ZNF174: variants seen among roughly 807,000 people sequenced by gnomAD.
The protein encoded by ZNF174 is zinc finger protein 174, also known as AW-1.
ZNF174 carries 30 observed loss-of-function variants against 38.7 expected under a neutral mutation model. The ratio of observed to expected loss-of-function variants is 0.78; its 90% CI spans 0.58 to 1.05. ZNF174 has a LOEUF of 1.05. ZNF174 is among the 50% of genes least tolerant of loss of function. The pLI is 0.00. For missense variants in ZNF174, 499 were observed against 495.6 expected (o/e 1.01, Z -0.06); for synonymous variants, 201 against 181.7 (o/e 1.11, Z -0.86).
Position 3,401,770 on chromosome 16 carries a change from G to C in ZNF174, c.-235G>C, listed in dbSNP as rs946866840. The C allele has an allele frequency of 1.6e-5, 8 of 505,890 alleles. No homozygotes were observed. The highest frequency in any genetic ancestry group is 5.9e-5 in the African/African-American group (3 of 50,712). The allele number at this position is 505,890 out of a possible 1,614,324, so 31.3% of individuals were successfully genotyped here. ...ACGTTATGACTTTTCTCCTTTGCAA[G>C]ACTGCAAAAAACTGACAAGAAGACA... On this transcript the variant is annotated 5_prime_UTR_variant, in exon 1 of 3. Coordinates refer to ENST00000268655, the MANE Select transcript of ZNF174 (RefSeq NM_003450.3).
chr16:3,404,381 C>A, intron 1 of ZNF174, 45 bp from the exon 2 acceptor site: 1 of 1,531,164 alleles, frequency 6.5e-7, no homozygotes, highest in Non-Finnish European at 8.8e-7. Flanking sequence ...ATCAAGCTTC[C>A]CTCAGTCCTG....
intron 2 of ZNF174, among the ~76,000 whole-genome samples, chr16:3,407,850 G>T (rs2034076269): frequency 6.6e-6 from 1 of 152,198 alleles, no homozygotes; most frequent in Admixed American, 6.5e-5. Context: ...TGAAGAGAAG[G>T]TGGTTGTCAA....
Position 3,401,523 on chromosome 16 carries a change from G to T in ZNF174, c.-482G>T, listed in dbSNP as rs2033899081. 6.5e-6 allele frequency: 1 copy of T among 154,876 alleles called. No individual in the cohort carries two copies. Among genetic ancestry groups the T allele is most frequent in the South Asian group, 1.9e-4 (1 of 5,344 alleles). The allele number at this position is 154,876 out of a possible 1,614,324, so 9.6% of individuals were successfully genotyped here. On this transcript the variant is annotated 5_prime_UTR_variant, in exon 1 of 3. Coordinates refer to ENST00000268655, the MANE Select transcript of ZNF174 (RefSeq NM_003450.3). ...TCGCTACCTCACACCCCCGGCTGGC[G>T]CTGTGGCCTCGCTTAGCTCTACCGT...
chr16:3,402,671 G>C (rs2033965353), intron 1 of ZNF174, among the ~76,000 whole-genome samples: 1 of 151,854 alleles, frequency 6.6e-6, no homozygotes, highest in African/African-American at 2.4e-5. Context: ...TGTTAGCCAG[G>C]ATGGTCTCGA....
intron 2 of ZNF174, among the ~76,000 whole-genome samples, chr16:3,407,522 A>G (rs543968900): frequency 6.6e-6 from 1 of 152,256 alleles, no homozygotes; most frequent in African/African-American, 2.4e-5. Flanking sequence ...AAAAAATTTA[A>G]AATTAAGTTC....
At chr16:3,403,824 A>T (rs997223531) in intron 1 of ZNF174, among the ~76,000 whole-genome samples, 1 of 152,170 alleles carries the variant, frequency 6.6e-6, no homozygotes, top group South Asian at 2.1e-4. Context: ...TTACAGTTCA[A>T]CTGGCCAGCG....
In ZNF174 at chr16:3,404,629, C is replaced by T; in HGVS notation, c.606C>T (p.Thr202=). 4 of 1,614,248 alleles carry T rather than the reference C, an allele frequency of 2.5e-6. No homozygotes were observed. Among genetic ancestry groups the T allele is most frequent in the Non-Finnish European group, 2.5e-6 (3 of 1,180,044 alleles). Residue 202 remains threonine, a synonymous_variant, in exon 2 of 3, where the codon ACC becomes ACT. Coordinates refer to ENST00000268655, the MANE Select transcript of ZNF174 (RefSeq NM_003450.3). ...WEKSPLLQEP[T]PKLAGTEAPR... ...AATCCCCACTCCTCCAAGAACCAAC[C>T]CCCAAATTGGCTGGGACAGGTAAAC...
rs2033924050 is a variant in ZNF174 at position 3,402,089 on chromosome 16, G to A, written c.85G>A (p.Glu29Lys). ...GAGACACATAATAGCCAAACTAGAAGAGAAACGGGGCCCTCCTCTGCAAAA... is the reference window on the plus strand; with the variant it reads ...GAGACACATAATAGCCAAACTAGAAAAGAAACGGGGCCCTCCTCTGCAAAA... ...QERHIIAKLE[E>K]KRGPPLQKNC... The change falls in exon 1 of 3, where the codon GAG becomes AAG. Residue 29 changes from glutamate to lysine, a missense_variant. Coordinates refer to ENST00000268655, the MANE Select transcript of ZNF174 (RefSeq NM_003450.3). 6.2e-7 allele frequency: 1 copy of A among 1,614,048 alleles called. No individual in the cohort carries two copies. The highest frequency in any genetic ancestry group is 1.3e-5 in the African/African-American group (1 of 74,918).
rs1421857678 is a variant in ZNF174, at chr16:3,409,059, T to C, written c.*140T>C. On this transcript the variant is annotated 3_prime_UTR_variant, in exon 3 of 3. Coordinates refer to ENST00000268655, the MANE Select transcript of ZNF174 (RefSeq NM_003450.3). Reference sequence around the variant, plus strand: ...AGGAATGATGATGCACATTCTGCTGTGAGGAGGCCCAGAAAAGGCCAACCA... The same window carrying C: ...AGGAATGATGATGCACATTCTGCTGCGAGGAGGCCCAGAAAAGGCCAACCA... 1 of 1,015,044 alleles carries C rather than the reference T, an allele frequency of 9.9e-7. No homozygotes were observed. The highest frequency in any genetic ancestry group is 1.4e-6 in the Non-Finnish European group (1 of 696,202). The allele number at this position is 1,015,044 out of a possible 1,614,324, so 62.9% of individuals were successfully genotyped here.
At chr16:3,402,998 C>T (rs1489014924) in intron 1 of ZNF174, among the ~76,000 whole-genome samples, 1 of 152,054 alleles carries the variant, frequency 6.6e-6, no homozygotes, top group Non-Finnish European at 1.5e-5. Flanking sequence ...TCTTAAATCC[C>T]TTCTGTCAGC....
intron 1 of ZNF174, among the ~76,000 whole-genome samples, chr16:3,403,150 C>CTTTTTTTTTTTTTTTTTTTTTTTTTT (rs753071209): frequency 3.2e-5 from 1 of 30,938 alleles, no homozygotes; most frequent in African/African-American, 1.5e-4. Flanking sequence ...AGCTTATAGT[C>CTTTTTTTTTTTTTTTTTTTTTTTTTT]TTTTTTTTTT....
chr16:3,408,194 A>T, intron 2 of ZNF174, 127 bp from the exon 3 acceptor site: 2 of 877,192 alleles, frequency 2.3e-6, no homozygotes, highest in East Asian at 2.5e-5. Flanking sequence ...CAAGTGCTCC[A>T]GATGAGTCTA....
In ZNF174 at chr16:3,402,100, C is replaced by G. The variant is rs2150921217; in HGVS notation, c.96C>G (p.Gly32=). The part of the protein sequence containing the change: ...HIIAKLEEKR[G]PPLQKNCPDP... Reference sequence around the variant, plus strand: ...TAGCCAAACTAGAAGAGAAACGGGGCCCTCCTCTGCAAAAAAACTGCCCAG... The same window carrying G: ...TAGCCAAACTAGAAGAGAAACGGGGGCCTCCTCTGCAAAAAAACTGCCCAG... The change falls in exon 1 of 3, where the codon GGC becomes GGG. Residue 32 remains glycine (G), a synonymous_variant. Coordinates refer to ENST00000268655, the MANE Select transcript of ZNF174 (RefSeq NM_003450.3). 1 of 1,614,152 alleles carries G rather than the reference C, an allele frequency of 6.2e-7. No individual in the cohort carries two copies. Among genetic ancestry groups the G allele is most frequent in the African/African-American group, 1.3e-5 (1 of 75,028 alleles).
At position 3,402,419 on chromosome 16, in the gene ZNF174, C is replaced by G. The variant is rs758661973; in HGVS notation, c.402+13C>G. The G allele has an allele frequency of 6.3e-7, 1 of 1,588,040 alleles. No homozygotes were observed. The highest frequency in any genetic ancestry group is 2.2e-5 in the East Asian group (1 of 44,710). On this transcript the variant is annotated intron_variant, in intron 1 of 2. Coordinates refer to ENST00000268655, the MANE Select transcript of ZNF174 (RefSeq NM_003450.3). ...ACCAAAGCAGTGGGTAAGGAGGGTC[C>G]TCTCCCATCATCCTGGGGATTTCTT... is the stretch of plus-strand genomic sequence containing the variant.
At chr16:3,404,303 T>C (rs1030574512) in intron 1 of ZNF174, 123 bp from the exon 2 acceptor site, 7 of 962,282 alleles carry the variant, frequency 7.3e-6, no homozygotes, top group Non-Finnish European at 9.3e-6. Context: ...GTGGTTTCTA[T>C]GAAAGTTGAC....
At chr16:3,404,284 A>C in intron 1 of ZNF174, 142 bp from the exon 2 acceptor site, 1 of 787,876 alleles carries the variant, frequency 1.3e-6, no homozygotes. Context: ...ACTTCCTTTG[A>C]GGGTTTCAGT....
chr16:3,402,453 C>CTTTTTTTTTTTTTTTT, intron 1 of ZNF174, 47 bp downstream of exon 1: 3 of 1,300,064 alleles, frequency 2.3e-6, no homozygotes, highest in South Asian at 2.8e-5. Flanking sequence ...TTTTTCTTTT[C>CTTTTTTTTTTTTTTTT]TTTTTTTTTT....
At position 3,404,526 on chromosome 16, in the gene ZNF174, GA is replaced by G; in HGVS notation, c.504del (p.Asp169IlefsTer19). 1 of 1,614,234 alleles carries G rather than the reference GA, an allele frequency of 6.2e-7. No individual in the cohort carries two copies. Among genetic ancestry groups the G allele is most frequent in the Non-Finnish European group, 8.5e-7 (1 of 1,180,036 alleles). ...LPDFQPQTPR[R>X]DLRESSPAEP... The stretch of plus-strand genomic sequence containing the variant: ...GACTTTCAACCGCAGACTCCTAGGA[GA>G]GATCTCAGGGAGAGCTCTCCAGCAG... On this transcript the variant is annotated frameshift_variant, in exon 2 of 3. Transcript: ENST00000268655. LOFTEE classifies it high-confidence loss of function.
intron 1 of ZNF174, among the ~76,000 whole-genome samples, chr16:3,402,742 G>T (rs1596255059): frequency 6.6e-6 from 1 of 152,302 alleles, no homozygotes; most frequent in South Asian, 2.1e-4. Context: ...ACAGGTGTGA[G>T]CCACCGTGCC....
Sources: allele counts gnomAD v4.1 joint callset (sites outside exome capture counted in the v4.1 genomes callset), GRCh38; gene constraint gnomAD v4.1.1; transcripts MANE v1.5; gene names NCBI Gene and HGNC (gene_info 2026-07-23, HGNC 2026-07-21).